The following ABHD17C variants were observed in gnomAD, a reference collection of about 807,000 sequenced individuals.
ABHD17C encodes the protein abhydrolase domain containing 17C, depalmitoylase.
A neutral mutation model predicts 27.9 loss-of-function variants in ABHD17C; 11 were observed. The observed-to-expected ratio is 0.39, with a 90% CI of 0.25 to 0.65. The LOEUF (loss-of-function observed/expected upper bound fraction) is 0.65, where lower values mean the gene tolerates loss of function less well. Among genes scored for constraint, ABHD17C ranks in the 30% least tolerant of loss-of-function variants. The pLI, the probability that ABHD17C is intolerant of heterozygous loss-of-function variation, is 0.45. For synonymous variants in ABHD17C, 233 were observed against 209.1 expected (o/e 1.11, Z -0.98); for missense variants, 280 against 470.2 (o/e 0.60, Z 3.74).
At chr15:80,706,115 C>G (rs1194378856) in intron 1 of ABHD17C, among the ~76,000 whole-genome samples, 1 of 152,224 alleles carries the variant, frequency 6.6e-6, no homozygotes, top group African/African-American at 2.4e-5. Context: ...TTAACCTTCC[C>G]TTTTCCTAGT....
chr15:80,742,077 G>A (rs4778850), intron 1 of ABHD17C, among the ~76,000 whole-genome samples: 111,426 of 152,114 alleles, frequency 0.73, 41,851 homozygotes, highest in East Asian at 0.92. Flanking sequence ...CTGCAGTTGA[G>A]CTGTAGGTAA....
chr15:80,754,214 C>T lies in ABHD17C; in HGVS notation c.834C>T (p.Val278=). The change falls in exon 3 of 3, where the codon GTC becomes GTT. Residue 278 remains valine (V), a synonymous_variant. Coordinates refer to ENST00000258884, the MANE Select transcript of ABHD17C (RefSeq NM_021214.2). ...VLVIHGTEDE[V]IDFSHGLAMY... is the part of the protein sequence containing the mutation. ...TCATTCATGGTACAGAGGATGAGGT[C>T]ATCGATTTCTCCCATGGCCTAGCGA... 7 of 1,613,962 alleles carry T rather than the reference C, an allele frequency of 4.3e-6. No individual in the cohort carries two copies. The highest frequency in any genetic ancestry group is 5.9e-6 in the Non-Finnish European group (7 of 1,179,868).
intron 1 of ABHD17C, among the ~76,000 whole-genome samples, chr15:80,732,747 GTGTC>G (rs1331452524): frequency 6.6e-6 from 1 of 152,194 alleles, no homozygotes; most frequent in Non-Finnish European, 1.5e-5. Context: ...CCAGCGGAAA[GTGTC>G]TGTTTAACAC....
chr15:80,742,858 G>A (rs997333385), intron 1 of ABHD17C, among the ~76,000 whole-genome samples: 3 of 152,204 alleles, frequency 2.0e-5, no homozygotes, highest in South Asian at 4.2e-4. Context: ...GGAAGGCATC[G>A]TTCTTAATGT....
chr15:80,717,625 A>T (rs28672289), intron 1 of ABHD17C, among the ~76,000 whole-genome samples: 15,552 of 152,206 alleles, frequency 0.1, 1,493 homozygotes, highest in East Asian at 0.56. Context: ...ACTTCAAGTG[A>T]TCCACCCGCC....
chr15:80,732,526 A>G (rs138765954), intron 1 of ABHD17C, among the ~76,000 whole-genome samples: 94 of 152,234 alleles, frequency 6.2e-4, no homozygotes, highest in Middle Eastern at 6.8e-3. Context: ...TGTTTGGTAT[A>G]TTTCCACAAA....
rs370384600 is a variant in ABHD17C at position 80,707,332 on chromosome 15, C to G, written c.590+11313C>G. ...AAGTCTGTTGGATCTGCAGGGCAGA[C>G]AGTGGTTTGTGACAAAAGTCTGTCT... On this transcript the variant is annotated intron_variant, in intron 1 of 2. Coordinates refer to ENST00000258884, the MANE Select transcript of ABHD17C (RefSeq NM_021214.2). Among the ~76,000 whole-genome samples the G allele has an allele frequency of 7.8e-4, 119 of 152,278 alleles. 1 individual carries two copies. The highest frequency in any genetic ancestry group is 2.5e-3 in the African/African-American group (105 of 41,556).
chr15:80,703,384 C>T (rs1894601158), intron 1 of ABHD17C: 1 of 152,226 alleles, frequency 6.6e-6, no homozygotes, highest in South Asian at 2.1e-4. Flanking sequence ...CAAGACACTT[C>T]ACACTTCTGG....
At chr15:80,728,503 A>T (rs181293484) in intron 1 of ABHD17C, among the ~76,000 whole-genome samples, 1 of 151,084 alleles carries the variant, frequency 6.6e-6, no homozygotes, top group Non-Finnish European at 1.5e-5. Context: ...TCCAGGCCTC[A>T]TCCATTCCCC....
chr15:80,705,061 G>A (rs1289379953), intron 1 of ABHD17C: 2 of 152,442 alleles, frequency 1.3e-5, no homozygotes, highest in African/African-American at 4.8e-5. Flanking sequence ...AACAGCCTGT[G>A]GGGCAGTGGA....
At chr15:80,724,253 AG>A (rs1339890181) in intron 1 of ABHD17C, among the ~76,000 whole-genome samples, 1 of 152,062 alleles carries the variant, frequency 6.6e-6, no homozygotes, top group African/African-American at 2.4e-5. Flanking sequence ...ACTTGAGCCC[AG>A]GAGGTTGAGG....
At chr15:80,721,738 A>G (rs1894900245) in intron 1 of ABHD17C, among the ~76,000 whole-genome samples, 1 of 152,138 alleles carries the variant, frequency 6.6e-6, no homozygotes, top group South Asian at 2.1e-4. Flanking sequence ...GTAAGGTGGT[A>G]TTCCTTGCCA....
intron 1 of ABHD17C, chr15:80,704,817 A>C (rs1027499492): frequency 1.3e-5 from 2 of 152,214 alleles, no homozygotes; most frequent in Non-Finnish European, 2.9e-5. Context: ...GACCTTGAAG[A>C]ATAGACTACA....
chr15:80,754,112 T>C lies in ABHD17C; in HGVS notation c.771-39T>C, dbSNP rs1309997863. ...GTGTATTATCTGTGAGCATAACTAATGGAGTCCTCTTTCTGCCTCCCCCCT... is the reference window on the plus strand; with the variant it reads ...GTGTATTATCTGTGAGCATAACTAACGGAGTCCTCTTTCTGCCTCCCCCCT... On this transcript the variant is annotated intron_variant, in intron 2 of 2. Coordinates refer to ENST00000258884, the MANE Select transcript of ABHD17C (RefSeq NM_021214.2). 2.7e-6 allele frequency: 4 copies of C among 1,471,954 alleles called. No individual in the cohort carries two copies. The African/African-American group carries it at 5.6e-5, about 20-fold the overall frequency. The allele number at this position is 1,471,954 out of a possible 1,614,324, so 91.2% of individuals were successfully genotyped here. A position where few individuals can be genotyped will look rare whatever the true frequency, so the allele number is the denominator to read the frequency against.
At chr15:80,712,202 T>C (rs145608830) in intron 1 of ABHD17C, among the ~76,000 whole-genome samples, 7 of 152,368 alleles carry the variant, frequency 4.6e-5, no homozygotes, top group South Asian at 2.1e-4. Context: ...TATCTAACTC[T>C]TTAGACTCAC....
chr15:80,702,729 G>C (rs1033094644), intron 1 of ABHD17C: 1 of 152,104 alleles, frequency 6.6e-6, no homozygotes, highest in Non-Finnish European at 1.5e-5. Context: ...GCTTAGGCTC[G>C]TGTTGAAACT....
At chr15:80,724,901 T>C (rs1192664119) in intron 1 of ABHD17C, among the ~76,000 whole-genome samples, 2 of 152,208 alleles carry the variant, frequency 1.3e-5, no homozygotes, top group African/African-American at 4.8e-5. Context: ...CAGAGTGACA[T>C]GCTTTTACTT....
chr15:80,726,132 T>C (rs1036808677), intron 1 of ABHD17C, among the ~76,000 whole-genome samples: 3 of 152,274 alleles, frequency 2.0e-5, no homozygotes, highest in Non-Finnish European at 2.9e-5. Flanking sequence ...GCTAGTTAAC[T>C]GCAGCAGGAG....
At chr15:80,743,148 G>A (rs1248553347) in intron 1 of ABHD17C, among the ~76,000 whole-genome samples, 1 of 152,096 alleles carries the variant, frequency 6.6e-6, no homozygotes, top group East Asian at 1.9e-4. Flanking sequence ...TTACAGGGGC[G>A]GGGAGGAGAT....
Sources: allele counts gnomAD v4.1 joint callset (sites outside exome capture counted in the v4.1 genomes callset), GRCh38; gene constraint gnomAD v4.1.1; transcripts MANE v1.5; gene names NCBI Gene and HGNC (gene_info 2026-07-23, HGNC 2026-07-21).